The following CAV1 variants were observed in gnomAD, a reference collection of about 807,000 sequenced individuals.
CAV1 encodes the protein caveolin 1.
In CAV1, 10 loss-of-function variants were observed where a neutral mutation model predicts 16.5. That is an observed-to-expected ratio of 0.61 (90% CI 0.37 to 1.03). The LOEUF (loss-of-function observed/expected upper bound fraction) is 1.03. Ranked by LOEUF, CAV1 falls within the 50% of genes least tolerant of loss-of-function variation. CAV1 has a pLI of 0.01. For missense variants in CAV1, 212 were observed against 232.8 expected, an observed-to-expected ratio of 0.91 and a Z score of 0.58; for synonymous variants, 76 against 85.1, an observed-to-expected ratio of 0.89 and a Z score of 0.59.
At chr7:116,529,814 A>AT (rs1793646293) in intron 2 of CAV1, among the ~76,000 whole-genome samples, 1 of 152,244 alleles carries the variant, frequency 6.6e-6, no homozygotes, top group Admixed American at 6.5e-5. Context: ...ACCCAAAAAT[A>AT]TTAAGTAGCT....
intron 2 of CAV1, among the ~76,000 whole-genome samples, chr7:116,548,641 A>G (rs1307320556): frequency 1.3e-5 from 2 of 152,336 alleles, no homozygotes; most frequent in African/African-American, 4.8e-5. Context: ...AGACGCTTGC[A>G]TAAACAGCAC....
At chr7:116,534,395 A>ATATATTTTTT (rs1442237865) in intron 2 of CAV1, among the ~76,000 whole-genome samples, 1 of 7,844 alleles carries the variant, frequency 1.3e-4, no homozygotes, top group Non-Finnish European at 2.6e-4. Context: ...ATATATATAT[A>ATATATTTTTT]TTTTTTTTTT....
At chr7:116,534,385 A>ATTTTT (rs1181456517) in intron 2 of CAV1, among the ~76,000 whole-genome samples, 5 of 9,156 alleles carry the variant, frequency 5.5e-4, no homozygotes, top group Admixed American at 1.7e-3. Context: ...ATATATATAT[A>ATTTTT]TATATATATA....
At chr7:116,536,680 G>A (rs1486303240) in intron 2 of CAV1, among the ~76,000 whole-genome samples, 2 of 152,322 alleles carry the variant, frequency 1.3e-5, no homozygotes, top group East Asian at 3.9e-4. Context: ...GTAGGCCACA[G>A]CGACCCACAG....
At position 116,541,582 on chromosome 7, in the gene CAV1, G is replaced by T. The variant is rs1478688859; in HGVS notation, c.195+14893G>T. ...CCTGGACAACATGGTGAAACCTCATGTCTACAAAAAAATACAAAAATTAGC... is the reference window on the plus strand; with the variant it reads ...CCTGGACAACATGGTGAAACCTCATTTCTACAAAAAAATACAAAAATTAGC... On this transcript the variant is annotated intron_variant, in intron 2 of 2. Coordinates refer to ENST00000341049, the MANE Select transcript of CAV1 (RefSeq NM_001753.5). Among the ~76,000 whole-genome samples, 3 of 151,812 alleles carry T rather than the reference G, an allele frequency of 2.0e-5. No homozygotes were observed. The East Asian group carries it at 5.8e-4, about 29-fold the overall frequency.
At chr7:116,538,624 C>T (rs910681965) in intron 2 of CAV1, among the ~76,000 whole-genome samples, 1 of 152,134 alleles carries the variant, frequency 6.6e-6, no homozygotes, top group Non-Finnish European at 1.5e-5. Flanking sequence ...TGGGTAAGTC[C>T]CTCTATTTCT....
rs1048721600 is a variant in CAV1 at position 116,559,389 on chromosome 7, T to C, written c.*102T>C. The C allele has an allele frequency of 2.6e-6, 2 of 760,282 alleles. No individual in the cohort carries two copies. The highest frequency in any genetic ancestry group is 3.5e-5 in the African/African-American group (2 of 57,700). 47.1% of individuals were successfully genotyped at this position (760,282 alleles called of 1,614,324 possible). A position where few individuals can be genotyped will look rare whatever the true frequency, so the allele number is the denominator to read the frequency against. On this transcript the variant is annotated 3_prime_UTR_variant, in exon 3 of 3. Transcript: ENST00000341049. ...TGCTAATACAGCAACAATTTATGAATTGAATTATCTTGGTTGAAAATAAAA... is the reference window on the plus strand; with the variant it reads ...TGCTAATACAGCAACAATTTATGAACTGAATTATCTTGGTTGAAAATAAAA...
intron 2 of CAV1, among the ~76,000 whole-genome samples, chr7:116,530,112 A>G (rs1042774357): frequency 6.6e-6 from 1 of 152,146 alleles, no homozygotes; most frequent in African/African-American, 2.4e-5. Context: ...AGTTAGTGAG[A>G]CGACATGCAC....
At chr7:116,555,522 GAGAGAGAGAGAGAGAGA>G (rs1794258577) in intron 2 of CAV1, among the ~76,000 whole-genome samples, 1 of 5,352 alleles carries the variant, frequency 1.9e-4, no homozygotes, top group Non-Finnish European at 3.9e-4. Context: ...GAAAGAAAGA[GAGAGAGAGAGAGAGAGA>G]GAGAGAAAGA....
rs537141528 is a variant in CAV1 at position 116,527,691 on chromosome 7, A to T, written c.195+1002A>T. ...GAGGGCTAAGGAAAAATCCTGGCTC[A>T]GGGACTGCAGTGTGAAGATCTACTC... On this transcript the variant is annotated intron_variant, in intron 2 of 2. Transcript: ENST00000341049. Among the ~76,000 whole-genome samples the T allele has an allele frequency of 1.1e-4, 17 of 152,312 alleles. No individual in the cohort carries two copies. In the East Asian group the frequency reaches 3.1e-3, roughly 28 times the overall value.
At chr7:116,541,754 A>C (rs1227540268) in intron 2 of CAV1, among the ~76,000 whole-genome samples, 92 of 540 alleles carry the variant, frequency 0.17, 1 homozygote, top group African/African-American at 0.2. Context: ...AGCCTGCCTC[A>C]AAAAAAAAAA....
intron 2 of CAV1, among the ~76,000 whole-genome samples, chr7:116,532,633 A>G (rs528925596): frequency 1.3e-5 from 2 of 152,214 alleles, no homozygotes; most frequent in Non-Finnish European, 2.9e-5. Flanking sequence ...ACAACTTTCT[A>G]AAAAAGACAC....
chr7:116,555,525 AGAGAGAGAGAGAGAGAGAG>A (rs1794259737), intron 2 of CAV1, among the ~76,000 whole-genome samples: 1 of 14,852 alleles, frequency 6.7e-5, no homozygotes, highest in Non-Finnish European at 1.4e-4. Flanking sequence ...AGAAAGAGAG[AGAGAGAGAGAGAGAGAGAG>A]AAAGAAAGAA....
intron 2 of CAV1, among the ~76,000 whole-genome samples, chr7:116,555,083 G>T (rs111794583): frequency 2.0e-3 from 303 of 152,232 alleles, no homozygotes; most frequent in African/African-American, 6.4e-3. Context: ...CACTGGTGGG[G>T]TTTAAATTCC....
At chr7:116,550,550 A>G (rs116397436) in intron 2 of CAV1, among the ~76,000 whole-genome samples, 144 of 152,266 alleles carry the variant, frequency 9.5e-4, no homozygotes, top group African/African-American at 2.8e-3. Flanking sequence ...GGGCAATTAG[A>G]GCAAAGTTCC....
intron 2 of CAV1, among the ~76,000 whole-genome samples, chr7:116,557,161 A>G (rs1034352857): frequency 4.6e-5 from 7 of 152,236 alleles, no homozygotes; most frequent in Non-Finnish European, 7.3e-5. Context: ...CAATACATCT[A>G]CTTAAGCTCA....
At chr7:116,554,121 A>G (rs370642598) in intron 2 of CAV1, among the ~76,000 whole-genome samples, 1 of 152,180 alleles carries the variant, frequency 6.6e-6, no homozygotes, top group African/African-American at 2.4e-5. Context: ...GAATCCCTTT[A>G]GCTTTAAATA....
chr7:116,556,787 C>A (rs1794302689), intron 2 of CAV1, among the ~76,000 whole-genome samples: 1 of 48,252 alleles, frequency 2.1e-5, no homozygotes, highest in Non-Finnish European at 4.9e-5. Context: ...ATTATACACT[C>A]AAAATGTGTG....
intron 2 of CAV1, among the ~76,000 whole-genome samples, chr7:116,553,809 C>T (rs1326844120): frequency 1.3e-5 from 2 of 152,178 alleles, no homozygotes; most frequent in African/African-American, 2.4e-5. Context: ...TGATGCTAAA[C>T]ATGAACAATG....
Sources: gnomAD v4.1 joint callset for allele counts (sites outside exome capture counted in the v4.1 genomes callset) on GRCh38, gnomAD v4.1.1 for gene constraint, MANE v1.5 for transcripts, NCBI Gene and HGNC (gene_info 2026-07-23, HGNC 2026-07-21) for gene names.